FREM1: variants seen among roughly 807,000 people sequenced by gnomAD.
FREM1 encodes the protein FRAS1-related extracellular matrix protein 1.
Under a neutral mutation model 210.1 loss-of-function variants are expected in FREM1, and 220 were observed. That is an observed-to-expected ratio of 1.05 (90% CI 0.94 to 1.17). FREM1 has a LOEUF of 1.17. Among genes scored for constraint, FREM1 ranks in the 50% most tolerant of loss-of-function variants. The probability of loss-of-function intolerance (pLI) is 0.00; values close to 1 mark genes in which losing one functional copy is unlikely to be tolerated. For missense variants in FREM1, 3,454 were observed against 2,675.5 expected, an observed-to-expected ratio of 1.29 and a Z score of -6.42; for synonymous variants, 1,189 against 980.2, an observed-to-expected ratio of 1.21 and a Z score of -3.98.
At chr9:14,792,301 C>CAGAGAG (rs1335331350) in intron 22 of FREM1, among the ~76,000 whole-genome samples, 1 of 144,902 alleles carries the variant, frequency 6.9e-6, no homozygotes, top group Non-Finnish European at 1.5e-5. Context: ...CACACACACA[C>CAGAGAG]ACAGAGAGAG....
At chr9:14,802,767 C>T (rs1375487868) in intron 19 of FREM1, among the ~76,000 whole-genome samples, 1 of 152,148 alleles carries the variant, frequency 6.6e-6, no homozygotes, top group Non-Finnish European at 1.5e-5. Flanking sequence ...TGCAATGTTA[C>T]TATGCTACAT....
intron 8 of FREM1, among the ~76,000 whole-genome samples, chr9:14,845,275 A>G (rs551548462): frequency 5.8e-4 from 88 of 152,302 alleles, no homozygotes; most frequent in Non-Finnish European, 8.8e-4. Flanking sequence ...CATTATTACT[A>G]AAGTATTAAT....
At chr9:14,838,347 A>C (rs751621877) in intron 10 of FREM1, among the ~76,000 whole-genome samples, 2 of 152,200 alleles carry the variant, frequency 1.3e-5, no homozygotes, top group African/African-American at 4.8e-5. Context: ...GAATATTTTA[A>C]ATCTATTTTT....
chr9:14,806,813 G>C lies in FREM1; in HGVS notation c.3122C>G (p.Thr1041Arg), dbSNP rs1472563578. Residue 1041 changes from threonine to arginine, a missense_variant, in exon 18 of 37, where the codon ACA becomes AGA. Physicochemically the swap from Thr to Arg is moderately conservative, Grantham distance 71. Transcript: ENST00000380880. ...GGACAAATGGTTAACAGTAAGGGCT[G>C]TTGAGCAGCCCTCATCTACAACAAA... The part of the protein sequence containing the change: ...PVFVVDEGCS[T>R]ALTVNHLSAT... The C allele has an allele frequency of 1.2e-6, 2 of 1,606,740 alleles. No homozygotes were observed. The highest frequency in any genetic ancestry group is 1.3e-5 in the African/African-American group (1 of 74,838).
At chr9:14,743,446 T>C (rs2131927930) in intron 35 of FREM1, among the ~76,000 whole-genome samples, 1 of 152,148 alleles carries the variant, frequency 6.6e-6, no homozygotes, top group Non-Finnish European at 1.5e-5. Flanking sequence ...TTTTTGACAA[T>C]AAAAAGCTAG....
intron 22 of FREM1, 119 bp from the exon 23 acceptor site, chr9:14,789,233 T>A: frequency 1.6e-6 from 1 of 622,390 alleles, no homozygotes; most frequent in Non-Finnish European, 2.5e-6. Flanking sequence ...TCAGGGAAAT[T>A]CCAGACTACT....
intron 1 of FREM1, among the ~76,000 whole-genome samples, chr9:14,901,241 T>A (rs960128938): frequency 6.6e-6 from 1 of 152,164 alleles, no homozygotes; most frequent in African/African-American, 2.4e-5. Flanking sequence ...AGAAGGAGAT[T>A]TGGGGCTATC....
intron 25 of FREM1, among the ~76,000 whole-genome samples, chr9:14,771,198 C>A (rs1847506022): frequency 1.3e-5 from 2 of 152,146 alleles, no homozygotes; most frequent in African/African-American, 2.4e-5. Context: ...CCCAAGAATT[C>A]TAGAGCAGAC....
rs774600437 is a variant in FREM1, at chr9:14,748,459, C to T, written c.5738G>A (p.Gly1913Asp). ...LAVIRGDTLR[G>D]FDSTDLSQRK... ...TTGAGAAAGATCTGTAGAATCAAAG[C>T]CCCGCAGGGTGTCTCCCCTGATGAC... The change falls in exon 31 of 37, where the codon GGC (glycine) becomes GAC (aspartate). Residue 1913 changes from glycine (G) to aspartate (D), a missense_variant. Transcript: ENST00000380880. 3.1e-6 allele frequency: 5 copies of T among 1,613,660 alleles called. No homozygotes were observed. The Admixed American group carries it at 6.7e-5, about 22-fold the overall frequency.
chr9:14,896,203 T>C (rs982045450), intron 1 of FREM1, among the ~76,000 whole-genome samples: 1 of 152,144 alleles, frequency 6.6e-6, no homozygotes, highest in Non-Finnish European at 1.5e-5. Flanking sequence ...ACCATGACTG[T>C]TTACAAATGC....
intron 24 of FREM1, among the ~76,000 whole-genome samples, chr9:14,781,502 G>T (rs1473394119): frequency 6.6e-6 from 1 of 152,022 alleles, no homozygotes; most frequent in Non-Finnish European, 1.5e-5. Context: ...TATTTAAAAG[G>T]AAACCTTTTA....
intron 1 of FREM1, among the ~76,000 whole-genome samples, chr9:14,904,593 C>T (rs1817362785): frequency 6.6e-6 from 1 of 152,064 alleles, no homozygotes; most frequent in African/African-American, 2.4e-5. Flanking sequence ...CTTGATGGTT[C>T]CAGGGTGCAG....
chr9:14,793,508 T>C (rs1311096719), intron 21 of FREM1, among the ~76,000 whole-genome samples: 2 of 152,236 alleles, frequency 1.3e-5, no homozygotes, highest in Non-Finnish European at 2.9e-5. Context: ...GAGCTGCTGC[T>C]GATCCTACCA....
chr9:14,773,473 T>A (rs890207029), intron 25 of FREM1, among the ~76,000 whole-genome samples: 1 of 152,200 alleles, frequency 6.6e-6, no homozygotes, highest in Non-Finnish European at 1.5e-5. Flanking sequence ...CTGAGTGTCA[T>A]CTCTCCTACA....
In FREM1 at chr9:14,876,864, A is replaced by G. The variant is rs193184925; in HGVS notation, c.-267-7620T>C. Among the ~76,000 whole-genome samples, 134 of 152,280 alleles carry G rather than the reference A, an allele frequency of 8.8e-4. 1 individual carries two copies. In the East Asian group the frequency reaches 0.021, roughly 23 times the overall value. On this transcript the variant is annotated intron_variant, in intron 1 of 36. Coordinates refer to ENST00000380880, the MANE Select transcript of FREM1 (RefSeq NM_001379081.2). ...TGGTTGTTGAACTTTGACAAGATACAATATTTTTTCCATTCACATTTGGCA... is the reference window on the plus strand; with the variant it reads ...TGGTTGTTGAACTTTGACAAGATACGATATTTTTTCCATTCACATTTGGCA...
At position 14,756,455 on chromosome 9, in the gene FREM1, G is replaced by A. The variant is rs1225532413; in HGVS notation, c.5335-9C>T. ...GCTGACACTTGGTTGACCTTAGGAG[G>A]GAAAAAAAAATCTTTTTAAGATAAA... On this transcript the variant is annotated splice_polypyrimidine_tract_variant and intron_variant, in intron 28 of 36. Coordinates refer to ENST00000380880, the MANE Select transcript of FREM1 (RefSeq NM_001379081.2). 1.9e-6 allele frequency: 3 copies of A among 1,570,446 alleles called. No individual in the cohort carries two copies. Among genetic ancestry groups the A allele is most frequent in the South Asian group, 1.2e-5 (1 of 84,438 alleles).
At position 14,797,512 on chromosome 9, in the gene FREM1, T is replaced by G; in HGVS notation, c.3825A>C (p.Lys1275Asn). The G allele has an allele frequency of 6.2e-7, 1 of 1,608,272 alleles. No homozygotes were observed. Among genetic ancestry groups the G allele is most frequent in the Non-Finnish European group, 8.5e-7 (1 of 1,177,266 alleles). ...SVEVIPVNDE[K>N]PMLSKKAEIA... ...AGGTAGCTTACTTGCTCAGCATTGG[T>G]TTTTCATCATTAACTGGGATGACCT... Residue 1275 changes from lysine (K) to asparagine (N), a missense_variant, in exon 21 of 37, where the codon AAA becomes AAC. Physicochemically the swap from Lys to Asn is moderately conservative, Grantham distance 94 (BLOSUM62 0). Coordinates refer to ENST00000380880, the MANE Select transcript of FREM1 (RefSeq NM_001379081.2).
At chr9:14,824,448 T>G (rs192781486) in intron 11 of FREM1, among the ~76,000 whole-genome samples, 2 of 152,340 alleles carry the variant, frequency 1.3e-5, no homozygotes, top group African/African-American at 4.8e-5. Context: ...GATCATAGAA[T>G]GTAACGATTT....
intron 17 of FREM1, 84 bp downstream of exon 17, chr9:14,807,856 A>G (rs1818672994): frequency 4.3e-6 from 4 of 931,050 alleles, no homozygotes; most frequent in Middle Eastern, 3.5e-4. Context: ...TTTTTAGACT[A>G]TAAATGAAAT....
Sources: gnomAD v4.1 joint callset for allele counts (sites outside exome capture counted in the v4.1 genomes callset) on GRCh38, gnomAD v4.1.1 for gene constraint, MANE v1.5 for transcripts, NCBI Gene and HGNC (gene_info 2026-07-23, HGNC 2026-07-21) for gene names.